Variants in FSHR observed in about 807,000 individuals in gnomAD.
The protein encoded by FSHR is follicle stimulating hormone receptor.
A neutral mutation model predicts 52.1 loss-of-function variants in FSHR; 46 were observed. That is an observed-to-expected ratio of 0.88 (90% CI 0.70 to 1.13). FSHR has a LOEUF of 1.13. FSHR is among the 50% of genes most tolerant of loss of function. The probability of loss-of-function intolerance (pLI) is 0.00; values close to 1 mark genes in which losing one functional copy is unlikely to be tolerated. For missense variants in FSHR, 964 were observed against 834.6 expected (o/e 1.16, Z -1.91); for synonymous variants, 399 against 309.6 (o/e 1.29, Z -3.03).
chr2:49,015,752 C>T (rs1486202820), intron 4 of FSHR, among the ~76,000 whole-genome samples: 1 of 152,118 alleles, frequency 6.6e-6, no homozygotes, highest in Non-Finnish European at 1.5e-5. Flanking sequence ...AGCTCATAAC[C>T]CTAACCTCTA....
At chr2:49,095,490 G>A (rs368042533) in intron 1 of FSHR, among the ~76,000 whole-genome samples, 1 of 152,128 alleles carries the variant, frequency 6.6e-6, no homozygotes, top group East Asian at 1.9e-4. Flanking sequence ...ATTGATTAAA[G>A]ATCAAATTGT....
intron 4 of FSHR, among the ~76,000 whole-genome samples, chr2:48,993,622 C>T (rs1432615523): frequency 6.6e-6 from 1 of 152,144 alleles, no homozygotes; most frequent in Non-Finnish European, 1.5e-5. Flanking sequence ...TGTTTTACTC[C>T]TTTGCTGCTA....
At chr2:49,143,723 C>A (rs1291390396) in intron 1 of FSHR, among the ~76,000 whole-genome samples, 1 of 152,056 alleles carries the variant, frequency 6.6e-6, no homozygotes, top group Non-Finnish European at 1.5e-5. Context: ...TGACAGCATC[C>A]CAGAAAGCTG....
intron 1 of FSHR, among the ~76,000 whole-genome samples, chr2:49,084,042 A>AT (rs1240569184): frequency 1.3e-5 from 2 of 151,118 alleles, no homozygotes; most frequent in South Asian, 2.1e-4. Flanking sequence ...CAGAATATAC[A>AT]TTTTTTTCAG....
chr2:49,125,879 T>A (rs927252040), intron 1 of FSHR, among the ~76,000 whole-genome samples: 1 of 152,214 alleles, frequency 6.6e-6, no homozygotes, highest in Non-Finnish European at 1.5e-5. Flanking sequence ...ACTAGGAAAC[T>A]GTGGATGGCT....
intron 2 of FSHR, among the ~76,000 whole-genome samples, chr2:49,038,398 G>T (rs1295904355): frequency 3.9e-5 from 6 of 152,014 alleles, no homozygotes; most frequent in Middle Eastern, 3.4e-3. Context: ...AAGGCGGGCG[G>T]ATCACGAGGT....
At chr2:49,142,310 G>A (rs1342379318) in intron 1 of FSHR, among the ~76,000 whole-genome samples, 3 of 152,106 alleles carry the variant, frequency 2.0e-5, no homozygotes, top group Non-Finnish European at 4.4e-5. Context: ...GTGGCATTTG[G>A]GTAGAGACTG....
chr2:49,007,810 C>G (rs539213357), intron 4 of FSHR, among the ~76,000 whole-genome samples: 1 of 152,010 alleles, frequency 6.6e-6, no homozygotes, highest in African/African-American at 2.4e-5. Context: ...ATACCAGAAG[C>G]TTTACAATCA....
intron 1 of FSHR, among the ~76,000 whole-genome samples, chr2:49,071,804 G>C: frequency 1.1e-5 from 1 of 88,578 alleles, no homozygotes; most frequent in South Asian, 4.3e-4. Context: ...AACGGATGAA[G>C]GATGAGGAAG....
In FSHR at chr2:48,963,866, C is replaced by T. The variant is rs1674353036; in HGVS notation, c.955G>A (p.Glu319Lys). 6.2e-7 allele frequency: 1 copy of T among 1,614,184 alleles called. No individual in the cohort carries two copies. The highest frequency in any genetic ancestry group is 8.5e-7 in the Non-Finnish European group (1 of 1,180,012). The change falls in exon 10 of 10, where the codon GAG (glutamate) becomes AAG (lysine). Residue 319 changes from glutamate (E) to lysine (K), a missense_variant. Physicochemically the swap from Glu to Lys is moderately conservative, Grantham distance 56. Coordinates refer to ENST00000406846, the MANE Select transcript of FSHR (RefSeq NM_000145.4). ...GQRSSLAEDN[E>K]SSYSRGFDMT... ...TCAAATCCTCTGCTGTAGCTGGACTCATTGTCTTCTGCCAGAGAGGATCTC... is the reference window on the plus strand; with the variant it reads ...TCAAATCCTCTGCTGTAGCTGGACTTATTGTCTTCTGCCAGAGAGGATCTC...
intron 2 of FSHR, among the ~76,000 whole-genome samples, chr2:49,038,614 G>C (rs1054353792): frequency 8.4e-4 from 99 of 117,918 alleles, no homozygotes; most frequent in African/African-American, 3.1e-3. Flanking sequence ...GACAGAGCAA[G>C]ACTCTGTCTC....
At chr2:49,031,341 A>G (rs1468676136) in intron 2 of FSHR, among the ~76,000 whole-genome samples, 1 of 152,212 alleles carries the variant, frequency 6.6e-6, no homozygotes, top group Non-Finnish European at 1.5e-5. Flanking sequence ...GGATCCTGTT[A>G]GAAAGACACC....
chr2:49,045,789 A>G (rs1668633858), intron 2 of FSHR, among the ~76,000 whole-genome samples: 1 of 152,186 alleles, frequency 6.6e-6, no homozygotes, highest in Non-Finnish European at 1.5e-5. Flanking sequence ...CAAGTGCTCA[A>G]CGCTGAGTGG....
intron 1 of FSHR, among the ~76,000 whole-genome samples, chr2:49,097,691 C>T (rs1028360313): frequency 1.3e-5 from 2 of 152,116 alleles, no homozygotes; most frequent in African/African-American, 4.8e-5. Flanking sequence ...GCAGATCACC[C>T]CTGCACTGTG....
intron 1 of FSHR, among the ~76,000 whole-genome samples, chr2:49,070,072 C>G (rs1669672763): frequency 6.6e-6 from 1 of 152,134 alleles, no homozygotes; most frequent in African/African-American, 2.4e-5. Context: ...TGTGCTGTTG[C>G]TGCCCTGGAG....
At chr2:49,090,150 T>TGTGC (rs1361513364) in intron 1 of FSHR, among the ~76,000 whole-genome samples, 6 of 151,124 alleles carry the variant, frequency 4.0e-5, no homozygotes, top group Non-Finnish European at 8.8e-5. Flanking sequence ...TGTGTGTGTG[T>TGTGC]GTGCATGTGT....
At chr2:49,003,604 G>C (rs888432160) in intron 4 of FSHR, among the ~76,000 whole-genome samples, 5 of 148,886 alleles carry the variant, frequency 3.4e-5, no homozygotes, top group East Asian at 1.9e-4. Flanking sequence ...AAGTAGAAGA[G>C]ATGAACAAAT....
chr2:48,990,037 G>C (rs1370472069), intron 5 of FSHR, among the ~76,000 whole-genome samples: 1 of 151,932 alleles, frequency 6.6e-6, no homozygotes, highest in Non-Finnish European at 1.5e-5. Flanking sequence ...TCCTCCTTTT[G>C]GATCTGTCCA....
At chr2:48,991,102 C>G (rs1347146672) in intron 4 of FSHR, among the ~76,000 whole-genome samples, 1 of 149,800 alleles carries the variant, frequency 6.7e-6, no homozygotes, top group African/African-American at 2.5e-5. Context: ...GCCAATCAGA[C>G]TCTCTCCTGG....
Sources: allele counts gnomAD v4.1 joint callset (sites outside exome capture counted in the v4.1 genomes callset), GRCh38; gene constraint gnomAD v4.1.1; transcripts MANE v1.5; gene names NCBI Gene and HGNC (gene_info 2026-07-23, HGNC 2026-07-21).